The following ADAMTS10 variants were observed in gnomAD, a reference collection of about 807,000 sequenced individuals.
ADAMTS10 encodes ADAM metallopeptidase with thrombospondin type 1 motif 10, also known as A disintegrin and metalloproteinase with thrombospondin motifs 10.
In ADAMTS10, 48 loss-of-function variants were observed where a neutral mutation model predicts 135.9. The observed-to-expected ratio is 0.35, with a 90% CI of 0.28 to 0.45. ADAMTS10 has a LOEUF of 0.45. ADAMTS10 is among the 20% of genes least tolerant of loss of function. The pLI is 1.00. For missense variants in ADAMTS10, 1,131 were observed against 1,565.2 expected (o/e 0.72, Z 4.68); for synonymous variants, 621 against 647.5 (o/e 0.96, Z 0.62).
rs1159874303 is a variant in ADAMTS10 at position 8,586,887 on chromosome 19, T to A, written c.2168A>T (p.Asp723Val). 1 of 1,614,112 alleles carries A rather than the reference T, an allele frequency of 6.2e-7. No homozygotes were observed. The highest frequency in any genetic ancestry group is 8.5e-7 in the Non-Finnish European group (1 of 1,180,040). ...SPASPGAGYEDVVWIPKGSVH... is the reference protein window; with the variant it reads ...SPASPGAGYEVVVWIPKGSVH... Reference sequence around the variant, plus strand: ...GGAGCCTTTGGGAATCCAGACGACATCCTCGTACCCTGAACAGCAGAGCTC... The same window carrying A: ...GGAGCCTTTGGGAATCCAGACGACAACCTCGTACCCTGAACAGCAGAGCTC... The change falls in exon 19 of 26, where the codon GAT becomes GTT. Residue 723 changes from aspartate (D) to valine (V), a missense_variant. Transcript: ENST00000597188.
At chr19:8,593,475 G>C (rs571055853) in intron 12 of ADAMTS10, 1 of 156,766 alleles carries the variant, frequency 6.4e-6, no homozygotes, top group South Asian at 1.9e-4. Flanking sequence ...ACACTTTTAA[G>C]CTATGTGGAG....
chr19:8,598,321 G>A (rs1277873665), intron 6 of ADAMTS10, among the ~76,000 whole-genome samples: 1 of 151,468 alleles, frequency 6.6e-6, no homozygotes, highest in African/African-American at 2.4e-5. Flanking sequence ...ACTGCCTCAA[G>A]CATCTTTGTC....
At chr19:8,587,237 G>T (rs1555737560) in intron 18 of ADAMTS10, among the ~76,000 whole-genome samples, 1 of 149,924 alleles carries the variant, frequency 6.7e-6, no homozygotes, top group Non-Finnish European at 1.5e-5. Flanking sequence ...GCTTGCTACA[G>T]CCTCAGACTC....
chr19:8,592,995 C>T, intron 12 of ADAMTS10, 125 bp from the exon 13 acceptor site: 2 of 858,276 alleles, frequency 2.3e-6, no homozygotes, highest in Admixed American at 2.0e-5. Flanking sequence ...CCGGTGCTCC[C>T]TTCCTGGCTC....
chr19:8,602,628 T>C (rs1449064449), intron 5 of ADAMTS10, among the ~76,000 whole-genome samples: 3 of 152,124 alleles, frequency 2.0e-5, no homozygotes, highest in African/African-American at 7.2e-5. Flanking sequence ...ACCCTGATTT[T>C]CTATATATAT....
chr19:8,595,992 C>G (rs1246252545), intron 11 of ADAMTS10, 81 bp downstream of exon 11: 1 of 1,613,754 alleles, frequency 6.2e-7, no homozygotes, highest in Admixed American at 1.7e-5. Context: ...CAGGGAGCAT[C>G]CCTGATTTCT....
rs1359586760 is a variant in ADAMTS10 at position 8,586,737 on chromosome 19, G to A, written c.2240-16C>T. The A allele has an allele frequency of 6.2e-7, 1 of 1,613,982 alleles. No individual in the cohort carries two copies. Among genetic ancestry groups the A allele is most frequent in the East Asian group, 2.2e-5 (1 of 44,882 alleles). On this transcript the variant is annotated splice_polypyrimidine_tract_variant and intron_variant, in intron 19 of 25. Coordinates refer to ENST00000597188, the MANE Select transcript of ADAMTS10 (RefSeq NM_030957.4). Reference sequence around the variant, plus strand: ...CCCTTCAGGGCTGGGGGACGATGCAGGGTTCAGAATTCTAGTCATGCTGAA... The same window carrying A: ...CCCTTCAGGGCTGGGGGACGATGCAAGGTTCAGAATTCTAGTCATGCTGAA...
Position 8,585,284 on chromosome 19 carries a change from G to A in ADAMTS10, c.2890C>T (p.Leu964Phe). 1 of 1,518,474 alleles carries A rather than the reference G, an allele frequency of 6.6e-7. No individual in the cohort carries two copies. Among genetic ancestry groups the A allele is most frequent in the Non-Finnish European group, 8.8e-7 (1 of 1,132,920 alleles). 94.1% of individuals were successfully genotyped at this position (1,518,474 alleles called of 1,614,324 possible). The change falls in exon 24 of 26, where the codon CTC becomes TTC. Residue 964 changes from leucine (L) to phenylalanine (F), a missense_variant. Leu to Phe is a conservative substitution (Grantham distance 22, BLOSUM62 0). This residue lies in a region of ADAMTS10 where 745 missense variants were observed against 1,056.3 expected (regional missense o/e 0.71). Coordinates refer to ENST00000597188, the MANE Select transcript of ADAMTS10 (RefSeq NM_030957.4). Reference protein sequence around the residue: ...SECTPSCGPGLRHRVVLCKSA... With the variant: ...SECTPSCGPGFRHRVVLCKSA... ...TTGCAAAGGACCACGCGGTGGCGGA[G>A]GCCCGGCCCGCAGCTGGGGGTGCAC... is the stretch of plus-strand genomic sequence containing the variant.
rs2042559890 is a variant in ADAMTS10 at position 8,592,924 on chromosome 19, A to G, written c.1480-54T>C. The G allele has an allele frequency of 2.0e-6, 3 of 1,534,360 alleles. No individual in the cohort carries two copies. In the African/African-American group the frequency reaches 4.1e-5, roughly 21 times the overall value. ...GCCCCCCTCCCTTCCTCCCTGGGGCAGCCCGCCCGGCTTGGGAGGACCCAG... is the reference window on the plus strand; with the variant it reads ...GCCCCCCTCCCTTCCTCCCTGGGGCGGCCCGCCCGGCTTGGGAGGACCCAG... On this transcript the variant is annotated intron_variant, in intron 12 of 25. Transcript: ENST00000597188.
In ADAMTS10 at chr19:8,581,130, C is replaced by CCTTTTTTTTTTTTTTTTTTTTTTTT. The variant is rs1491576985; in HGVS notation, c.3203-129_3203-128insAAAAAAAAAAAAAAAAAAAAAAAAG. ...CTTGGTTTCTTTCTTTTTAAATTTA[C>CCTTTTTTTTTTTTTTTTTTTTTTTT]TTTTTTTTTTTTTTTTTTTTTTTTT... On this transcript the variant is annotated intron_variant, in intron 25 of 25. Transcript: ENST00000597188. The CCTTTTTTTTTTTTTTTTTTTTTTTT allele has an allele frequency of 1.5e-5, 2 of 136,668 alleles. 1 individual carries two copies. Among genetic ancestry groups the CCTTTTTTTTTTTTTTTTTTTTTTTT allele is most frequent in the African/African-American group, 1.1e-4 (2 of 18,116 alleles). The allele number at this position is 136,668 out of a possible 1,614,324, so 8.5% of individuals were successfully genotyped here.
rs1332549648 is a variant in ADAMTS10, at chr19:8,585,165, G to A, written c.3009C>T (p.Pro1003=). 7.1e-7 allele frequency: 1 copy of A among 1,410,660 alleles called. No individual in the cohort carries two copies. The allele number at this position is 1,410,660 out of a possible 1,614,324, so 87.4% of individuals were successfully genotyped here. ...ATMRCNLRRC[P]PARWVAGEWG... is the part of the protein sequence containing the mutation. ...ACTCGCCAGCCACCCAGCGGGCCGGGGGGCAGCGGCGCAAGTTGCAGCGCA... is the reference window on the plus strand; with the variant it reads ...ACTCGCCAGCCACCCAGCGGGCCGGAGGGCAGCGGCGCAAGTTGCAGCGCA... Residue 1003 remains proline, a synonymous_variant, in exon 24 of 26, where the codon CCC becomes CCT. Transcript: ENST00000597188.
chr19:8,599,944 C>T (rs1555741070), intron 6 of ADAMTS10, among the ~76,000 whole-genome samples: 2 of 152,130 alleles, frequency 1.3e-5, no homozygotes, highest in East Asian at 3.9e-4. Context: ...AAGCGATTCT[C>T]CTGCCTCAGC....
chr19:8,609,825 C>T (rs954404876), intron 1 of ADAMTS10, among the ~76,000 whole-genome samples: 2 of 151,978 alleles, frequency 1.3e-5, no homozygotes, highest in Non-Finnish European at 2.9e-5. Flanking sequence ...CAGAGACCGG[C>T]GCTCGGGCAC....
Position 8,596,195 on chromosome 19 carries a change from C to T in ADAMTS10, c.1215G>A (p.Val405=). ...GACCACGGGCCCCACAGCTGTTTCC[C>T]ACGCCGTCATGGTTCATGCCGAATC... The part of the protein sequence containing the change: ...GHTFGMNHDG[V]GNSCGARGQD... Residue 405 remains valine, a synonymous_variant, in exon 11 of 26, where the codon GTG becomes GTA. Coordinates refer to ENST00000597188, the MANE Select transcript of ADAMTS10 (RefSeq NM_030957.4). This position sits in a 1 kb window ranked among gnomAD's most constrained non-coding sequence, Gnocchi z 7.2. The T allele has an allele frequency of 6.2e-7, 1 of 1,614,102 alleles. No homozygotes were observed.
intron 6 of ADAMTS10, 74 bp from the exon 7 acceptor site, chr19:8,597,391 A>G: frequency 7.3e-7 from 1 of 1,360,646 alleles, no homozygotes; most frequent in Admixed American, 1.9e-5. Flanking sequence ...AAAAACAATG[A>G]TAACAGCTTG....
chr19:8,589,574 C>G lies in ADAMTS10; in HGVS notation c.1912G>C (p.Ala638Pro). The G allele has an allele frequency of 1.9e-6, 3 of 1,613,392 alleles. No individual in the cohort carries two copies. The highest frequency in any genetic ancestry group is 2.5e-6 in the Non-Finnish European group (3 of 1,179,956). ...WKTYRGGGVK[A>P]CSLTCLAEGF... ...TCCGCTAGGCACGTGAGCGAGCAGG[C>G]CTTCACGCCCCCTGGGGGGCACGGC... Residue 638 changes from alanine (A) to proline (P), a missense_variant, in exon 17 of 26, where the codon GCC (alanine) becomes CCC (proline). Physicochemically the swap from Ala to Pro is conservative, Grantham distance 27. Coordinates refer to ENST00000597188, the MANE Select transcript of ADAMTS10 (RefSeq NM_030957.4).
chr19:8,596,201 G>A lies in ADAMTS10; in HGVS notation c.1209C>T (p.Asp403=), dbSNP rs554222679. ...GGGCCCCACAGCTGTTTCCCACGCC[G>A]TCATGGTTCATGCCGAATCTGGGGA... ...EIGHTFGMNH[D]GVGNSCGARG... Residue 403 remains aspartate (D), a synonymous_variant, in exon 11 of 26, where the codon GAC becomes GAT. Transcript: ENST00000597188. The surrounding 1 kb of genome is among the most constrained non-coding windows in gnomAD (Gnocchi z 7.2). 6.8e-6 allele frequency: 11 copies of A among 1,613,996 alleles called. No individual in the cohort carries two copies. Among genetic ancestry groups the A allele is most frequent in the South Asian group, 4.4e-5 (4 of 91,086 alleles).
chr19:8,593,117 C>T, intron 12 of ADAMTS10: 1 of 566,628 alleles, frequency 1.8e-6, no homozygotes, highest in Non-Finnish European at 3.2e-6. Context: ...TTAGGCAGTA[C>T]TACCCCATCT....
intron 4 of ADAMTS10, 55 bp downstream of exon 4, chr19:8,604,957 C>T (rs781795100): frequency 2.6e-5 from 40 of 1,528,202 alleles, no homozygotes; most frequent in Non-Finnish European, 3.6e-5. Context: ...AAGTGTTTTT[C>T]TTAACTTCCA....
Sources: allele counts gnomAD v4.1 joint callset (sites outside exome capture counted in the v4.1 genomes callset), GRCh38; gene constraint gnomAD v4.1.1; regional missense constraint gnomAD v4.1.1; non-coding constraint Gnocchi (gnomAD v3.1); transcripts MANE v1.5; gene names NCBI Gene and HGNC (gene_info 2026-07-23, HGNC 2026-07-21).